AP5Z1: variants seen among roughly 807,000 people sequenced by gnomAD.
AP5Z1 encodes adaptor related protein complex 5 subunit zeta 1, also known as AP-5 complex subunit zeta-1.
A neutral mutation model predicts 83.0 loss-of-function variants in AP5Z1; 106 were observed. The observed-to-expected ratio is 1.28, with a 90% CI of 1.09 to 1.50. The LOEUF is 1.50. Among genes scored for constraint, AP5Z1 ranks in the 40% most tolerant of loss-of-function variants. The pLI is 0.00. For synonymous variants in AP5Z1, 751 were observed against 514.1 expected (o/e 1.46, Z -6.23); for missense variants, 1,565 against 1,094.2 (o/e 1.43, Z -6.07).
In AP5Z1 at chr7:4,781,731, G is replaced by A. The variant is rs760484894; in HGVS notation, c.343G>A (p.Val115Met). Residue 115 changes from valine (V) to methionine (M), a missense_variant, in exon 3 of 17, where the codon GTG (valine) becomes ATG (methionine). Coordinates refer to ENST00000649063, the MANE Select transcript of AP5Z1 (RefSeq NM_014855.3). Reference protein sequence around the residue: ...HTQNSRQLSLVASVLLAQGDR... With the variant: ...HTQNSRQLSLMASVLLAQGDR... ...GCAGAACAGCCGGCAGCTGAGCCTGGTGGCCTCCGTTCTCTTGGCCCAGGT... is the reference window on the plus strand; with the variant it reads ...GCAGAACAGCCGGCAGCTGAGCCTGATGGCCTCCGTTCTCTTGGCCCAGGT... 2 of 1,576,414 alleles carry A rather than the reference G, an allele frequency of 1.3e-6. No individual in the cohort carries two copies. Among genetic ancestry groups the A allele is most frequent in the East Asian group, 4.6e-5 (2 of 43,898 alleles).
At chr7:4,788,973 C>A (rs753533070) in intron 13 of AP5Z1, 22 bp downstream of exon 13, 10 of 1,599,474 alleles carry the variant, frequency 6.3e-6, no homozygotes, top group Non-Finnish European at 8.5e-6. Flanking sequence ...GCCTGGGGCC[C>A]CCCATTCCCA....
intron 1 of AP5Z1, among the ~76,000 whole-genome samples, chr7:4,780,546 C>T (rs903752443): frequency 2.6e-5 from 4 of 151,764 alleles, no homozygotes; most frequent in East Asian, 1.9e-4. Flanking sequence ...GGGCAGATCA[C>T]GATGTCAGGA....
chr7:4,789,501 A>G (rs1781674951), intron 13 of AP5Z1, among the ~76,000 whole-genome samples: 1 of 152,188 alleles, frequency 6.6e-6, no homozygotes, highest in Admixed American at 6.5e-5. Flanking sequence ...AGAGCCTGGG[A>G]GGTGGGGAGG....
rs555185439 is a variant in AP5Z1 at position 4,786,441 on chromosome 7, A to G, written c.1311+13A>G. 14 of 1,612,748 alleles carry G rather than the reference A, an allele frequency of 8.7e-6. No homozygotes were observed. The highest frequency in any genetic ancestry group is 1.3e-5 in the African/African-American group (1 of 74,450). On this transcript the variant is annotated intron_variant, in intron 10 of 16. Transcript: ENST00000649063. ...CAACCTCTTTAAGGTATATTTGGGCATCCCTGGGTGCCAGGGCAGGGGCAT... is the reference window on the plus strand; with the variant it reads ...CAACCTCTTTAAGGTATATTTGGGCGTCCCTGGGTGCCAGGGCAGGGGCAT...
Position 4,775,772 on chromosome 7 carries a change from G to A in AP5Z1, c.41+16G>A, listed in dbSNP as rs139999461. The A allele has an allele frequency of 6.3e-4, 1,003 of 1,601,886 alleles. 4 individuals are homozygous for A. The African/African-American group carries it at 7.3e-3, about 12-fold the overall frequency. On this transcript the variant is annotated intron_variant, in intron 1 of 16. Coordinates refer to ENST00000649063, the MANE Select transcript of AP5Z1 (RefSeq NM_014855.3). ...ACCAGGCCAGGTACGGGGGAGCTGC[G>A]GCCCCGGCCCTCCTTCCTGCATCTC...
intron 2 of AP5Z1, 61 bp downstream of exon 2, chr7:4,781,373 A>G (rs1032979944): frequency 1.2e-5 from 19 of 1,606,668 alleles, no homozygotes; most frequent in Non-Finnish European, 1.6e-5. Context: ...AACCCAGCCC[A>G]CGCCCAGCAG....
At chr7:4,775,839 T>C (rs1781210060) in intron 1 of AP5Z1, 83 bp downstream of exon 1, 2 of 1,539,862 alleles carry the variant, frequency 1.3e-6, no homozygotes, top group South Asian at 2.3e-5. Flanking sequence ...GGGCAGGGGC[T>C]TGGGCGCCAG....
In AP5Z1 at chr7:4,781,645, G is replaced by A; in HGVS notation, c.257G>A (p.Cys86Tyr). The A allele has an allele frequency of 6.2e-7, 1 of 1,606,734 alleles. No homozygotes were observed. The highest frequency in any genetic ancestry group is 8.5e-7 in the Non-Finnish European group (1 of 1,174,872). Residue 86 changes from cysteine to tyrosine, a missense_variant, in exon 3 of 17, where the codon TGC becomes TAC. Transcript: ENST00000649063. ...TGCCCCGAGCAGCTCCAGGTGCTTT[G>A]CGCCGCCATCCTGCGAGAGATGTCC... ...PACPEQLQVL[C>Y]AAILREMSPS...
chr7:4,789,777 C>A, intron 13 of AP5Z1, 55 bp from the exon 14 acceptor site: 1 of 1,446,260 alleles, frequency 6.9e-7, no homozygotes, highest in Non-Finnish European at 9.5e-7. Flanking sequence ...CACCCCCAAC[C>A]TTAGGGCCTG....
chr7:4,781,945 C>T (rs1178123605), intron 3 of AP5Z1, among the ~76,000 whole-genome samples, 191 bp downstream of exon 3: 15 of 152,154 alleles, frequency 9.9e-5, no homozygotes. Flanking sequence ...CCCAGCAGGC[C>T]CACGTGGTAT....
At chr7:4,781,056 T>A (rs1781366975) in intron 1 of AP5Z1, 119 bp from the exon 2 acceptor site, 1 of 1,316,414 alleles carries the variant, frequency 7.6e-7, no homozygotes, top group African/African-American at 1.5e-5. Context: ...GGAACCGTGT[T>A]CCTCCACACA....
At position 4,792,050 on chromosome 7, in the gene AP5Z1, T is replaced by C. The variant is rs78468795; in HGVS notation, c.*665T>C. The stretch of plus-strand genomic sequence containing the variant: ...TGCAAGCGCCATGGCCTATGCAGGC[T>C]GCGGCCTCTGGCCATTCGGAGGGAA... On this transcript the variant is annotated 3_prime_UTR_variant, in exon 17 of 17. Coordinates refer to ENST00000649063, the MANE Select transcript of AP5Z1 (RefSeq NM_014855.3). 6,174 of 152,418 alleles carry C rather than the reference T, an allele frequency of 0.041. 412 individuals are homozygous for C. The highest frequency in any genetic ancestry group is 0.14 in the African/African-American group (5,799 of 41,544). The allele number at this position is 152,418 out of a possible 1,614,324, so 9.4% of individuals were successfully genotyped here.
chr7:4,790,754 C>G lies in AP5Z1; in HGVS notation c.2020C>G (p.Leu674Val). The part of the protein sequence containing the change: ...VEQINKFFEA[L>V]EALLFEVTQC... The stretch of plus-strand genomic sequence containing the variant: ...GCAGATCAACAAGTTCTTCGAAGCC[C>G]TGGAGGCTCTGCTATTCGAGGTCAC... Residue 674 changes from leucine (L) to valine (V), a missense_variant, in exon 16 of 17, where the codon CTG becomes GTG. Physicochemically the swap from Leu to Val is conservative, Grantham distance 32. Coordinates refer to ENST00000649063, the MANE Select transcript of AP5Z1 (RefSeq NM_014855.3). The G allele has an allele frequency of 6.2e-7, 1 of 1,609,196 alleles. No individual in the cohort carries two copies.
rs1022230543 is a variant in AP5Z1, at chr7:4,792,461, C to T, written c.*1076C>T. ...CTGCAGGGTCCTGCCCCTTGCCCAG[C>T]CTCAGGACTATGGAGGGGGCGAGTG... On this transcript the variant is annotated 3_prime_UTR_variant, in exon 17 of 17. Transcript: ENST00000649063. 1 of 152,338 alleles carries T rather than the reference C, an allele frequency of 6.6e-6. No homozygotes were observed. Among genetic ancestry groups the T allele is most frequent in the Admixed American group, 6.5e-5 (1 of 15,280 alleles). The allele number at this position is 152,338 out of a possible 1,614,324, so 9.4% of individuals were successfully genotyped here.
At chr7:4,778,882 A>G (rs1781294593) in intron 1 of AP5Z1, among the ~76,000 whole-genome samples, 1 of 145,874 alleles carries the variant, frequency 6.9e-6, no homozygotes, top group South Asian at 2.1e-4. Context: ...AATCAAAAAA[A>G]GAATAAAAAA....
intron 14 of AP5Z1, 89 bp from the exon 15 acceptor site, chr7:4,790,370 G>A (rs763662739): frequency 1.8e-5 from 29 of 1,593,452 alleles, no homozygotes; most frequent in Non-Finnish European, 2.4e-5. Flanking sequence ...CCACTCAGAC[G>A]CTTCCCGGGT....
At position 4,788,926 on chromosome 7, in the gene AP5Z1, A is replaced by G; in HGVS notation, c.1682A>G (p.Gln561Arg). The change falls in exon 13 of 17, where the codon CAG (glutamine) becomes CGG (arginine). Residue 561 changes from glutamine (Q) to arginine (R), a missense_variant. Physicochemically the swap from Gln to Arg is conservative, Grantham distance 43. Coordinates refer to ENST00000649063, the MANE Select transcript of AP5Z1 (RefSeq NM_014855.3). ...QCAQAVPTLL[Q>R]AFFSAVTQVA... ...GCCCAGGCCGTGCCCACGCTGCTGCAGGCATTCTTCTCAGCAGTGACCCAG... is the reference window on the plus strand; with the variant it reads ...GCCCAGGCCGTGCCCACGCTGCTGCGGGCATTCTTCTCAGCAGTGACCCAG... The G allele has an allele frequency of 2.5e-6, 4 of 1,611,418 alleles. No individual in the cohort carries two copies. The South Asian group carries it at 4.4e-5, about 18-fold the overall frequency.
chr7:4,781,650 G>A lies in AP5Z1; in HGVS notation c.262G>A (p.Ala88Thr), dbSNP rs773979533. The change falls in exon 3 of 17, where the codon GCC (alanine) becomes ACC (threonine). Residue 88 changes from alanine (A) to threonine (T), a missense_variant. Ala to Thr is a moderately conservative substitution (Grantham distance 58). Transcript: ENST00000649063. ...CGAGCAGCTCCAGGTGCTTTGCGCC[G>A]CCATCCTGCGAGAGATGTCCCCCTC... ...CPEQLQVLCA[A>T]ILREMSPSDS... 38 of 1,605,826 alleles carry A rather than the reference G, an allele frequency of 2.4e-5. No individual in the cohort carries two copies. The highest frequency in any genetic ancestry group is 1.1e-4 in the East Asian group (5 of 44,638).
Position 4,791,430 on chromosome 7 carries a change from A to G in AP5Z1, c.*45A>G, listed in dbSNP as rs12154545. 83,891 of 1,547,446 alleles carry G rather than the reference A, an allele frequency of 0.054. 2,739 individuals carry two copies. Among genetic ancestry groups the G allele is most frequent in the African/African-American group, 0.12 (9,053 of 73,670 alleles). On this transcript the variant is annotated 3_prime_UTR_variant, in exon 17 of 17. Transcript: ENST00000649063. Reference sequence around the variant, plus strand: ...TTCGGTGCAGATTAAGAGCCTGGGCAGCCAGCTTGCTACTGAGGCCAGGCT... The same window carrying G: ...TTCGGTGCAGATTAAGAGCCTGGGCGGCCAGCTTGCTACTGAGGCCAGGCT...
Sources: gnomAD v4.1 joint callset for allele counts (sites outside exome capture counted in the v4.1 genomes callset) on GRCh38, gnomAD v4.1.1 for gene constraint, MANE v1.5 for transcripts, NCBI Gene and HGNC (gene_info 2026-07-23, HGNC 2026-07-21) for gene names.